Variants in CSMD1 observed in about 807,000 individuals in gnomAD.
CSMD1 encodes the protein CUB and Sushi multiple domains 1, also known as CUB and sushi domain-containing protein 1.
In CSMD1, 213 loss-of-function variants were observed where a neutral mutation model predicts 417.5. That is an observed-to-expected ratio of 0.51 (90% confidence interval 0.46 to 0.57). The LOEUF is 0.57. CSMD1 is among the 20% of genes least tolerant of loss of function. The pLI is 0.00. For missense variants in CSMD1, 6,923 were observed against 4,529.7 expected, an observed-to-expected ratio of 1.53 and a Z score of -15.17; for synonymous variants, 2,862 against 1,736.8, an observed-to-expected ratio of 1.65 and a Z score of -16.11.
At chr8:3,712,430 CAGACAGACAGACAG>C (rs1585117828) in intron 6 of CSMD1, among the ~76,000 whole-genome samples, 3 of 125,684 alleles carry the variant, frequency 2.4e-5, no homozygotes, top group East Asian at 2.3e-4. Context: ...GACAGACAGA[CAGACAGACAGACAG>C]AGAGAGAGAG....
At chr8:3,690,123 C>T (rs549669631) in intron 7 of CSMD1, among the ~76,000 whole-genome samples, 20 of 152,320 alleles carry the variant, frequency 1.3e-4, no homozygotes, top group African/African-American at 4.8e-4. Context: ...CTTTAGGAGG[C>T]TGAGACCGGA....
rs535948918 is a variant in CSMD1, at chr8:3,938,989, T to C, written c.818+58914A>G. Reference sequence around the variant, plus strand: ...AGGCAGGGAGTATGAGAGTGTGGAATGGGGTGGGGTAGAATATTACATGTA... The same window carrying C: ...AGGCAGGGAGTATGAGAGTGTGGAACGGGGTGGGGTAGAATATTACATGTA... On this transcript the variant is annotated intron_variant, in intron 5 of 69. Transcript: ENST00000635120. Among the ~76,000 whole-genome samples the C allele has an allele frequency of 5.3e-5, 8 of 152,220 alleles. No homozygotes were observed. In the South Asian group the frequency reaches 1.7e-3, roughly 32 times the overall value.
intron 10 of CSMD1, among the ~76,000 whole-genome samples, chr8:3,520,251 G>A (rs186682799): frequency 5.3e-5 from 8 of 152,004 alleles, no homozygotes; most frequent in Non-Finnish European, 8.8e-5. Context: ...GTTGGCCAGA[G>A]AGGAAGCACC....
chr8:3,895,460 C>G (rs769695486), intron 5 of CSMD1, among the ~76,000 whole-genome samples: 1 of 151,934 alleles, frequency 6.6e-6, no homozygotes, highest in Non-Finnish European at 1.5e-5. Flanking sequence ...TAAATCTTAG[C>G]AGACAAAAAA....
At chr8:3,002,176 T>C (rs964134022) in intron 52 of CSMD1, among the ~76,000 whole-genome samples, 6 of 152,212 alleles carry the variant, frequency 3.9e-5, no homozygotes, top group African/African-American at 1.4e-4. Flanking sequence ...TGAGACTTGA[T>C]ACAAGCGGAG....
At chr8:4,590,312 G>T (rs1229645733) in intron 2 of CSMD1, among the ~76,000 whole-genome samples, 1 of 152,026 alleles carries the variant, frequency 6.6e-6, no homozygotes, top group Non-Finnish European at 1.5e-5. Context: ...TGGACTACTG[G>T]ATTTCCATGA....
intron 46 of CSMD1, among the ~76,000 whole-genome samples, chr8:3,103,065 T>A (rs941222255): frequency 2.6e-5 from 4 of 152,200 alleles, no homozygotes; most frequent in African/African-American, 7.2e-5. Context: ...GTAAACTTAC[T>A]GAGGCTCCAG....
intron 26 of CSMD1, among the ~76,000 whole-genome samples, chr8:3,240,694 G>C (rs13251825): frequency 6.6e-6 from 1 of 151,818 alleles, no homozygotes; most frequent in Non-Finnish European, 1.5e-5. Flanking sequence ...AAAGAAAGCA[G>C]GTTTGAGATC....
rs144815639 is a variant in CSMD1, at chr8:4,491,478, T to A, written c.303-71413A>T. On this transcript the variant is annotated intron_variant, in intron 2 of 69. Coordinates refer to ENST00000635120, the MANE Select transcript of CSMD1 (RefSeq NM_033225.6). ...AGGATATGTTAAACAGCTATGGACT[T>A]TTGTTGGTGTATCATTTTGGTAACT... Among the ~76,000 whole-genome samples the A allele has an allele frequency of 5.1e-4, 78 of 152,258 alleles. 2 individuals carry two copies. The East Asian group carries it at 0.014, about 28-fold the overall frequency.
At chr8:3,449,691 T>C (rs1429504361) in intron 12 of CSMD1, among the ~76,000 whole-genome samples, 1 of 152,112 alleles carries the variant, frequency 6.6e-6, no homozygotes, top group African/African-American at 2.4e-5. Context: ...CTAATTTTTG[T>C]ATTTTTAGTA....
At chr8:3,678,106 G>T (rs893395186) in intron 7 of CSMD1, among the ~76,000 whole-genome samples, 2 of 152,106 alleles carry the variant, frequency 1.3e-5, no homozygotes, top group Admixed American at 1.3e-4. Flanking sequence ...CCCAGAGTGA[G>T]CGACGCAGAA....
chr8:4,737,088 T>A (rs112586356), intron 1 of CSMD1, among the ~76,000 whole-genome samples: 2 of 152,260 alleles, frequency 1.3e-5, no homozygotes, highest in African/African-American at 4.8e-5. Flanking sequence ...TCAACCTACA[T>A]GCCCATCAAT....
At chr8:3,509,905 C>G (rs934598321) in intron 10 of CSMD1, among the ~76,000 whole-genome samples, 8 of 152,106 alleles carry the variant, frequency 5.3e-5, no homozygotes, top group African/African-American at 1.7e-4. Context: ...CCCAGTGAAG[C>G]GATGAGGGCA....
At chr8:4,532,942 C>A (rs1329232537) in intron 2 of CSMD1, among the ~76,000 whole-genome samples, 1 of 152,114 alleles carries the variant, frequency 6.6e-6, no homozygotes. Flanking sequence ...CATTCACAGT[C>A]ACTCCGGAAG....
intron 1 of CSMD1, among the ~76,000 whole-genome samples, chr8:4,680,230 T>C (rs2130973973): frequency 6.6e-6 from 1 of 152,338 alleles, no homozygotes; most frequent in East Asian, 1.9e-4. Flanking sequence ...GCTGTGCTTC[T>C]GGACATTCCG....
At chr8:3,432,972 T>C (rs1442320430) in intron 12 of CSMD1, among the ~76,000 whole-genome samples, 1 of 152,212 alleles carries the variant, frequency 6.6e-6, no homozygotes, top group Non-Finnish European at 1.5e-5. Flanking sequence ...ACAGTCAGGT[T>C]CTTCCAGTAG....
intron 1 of CSMD1, among the ~76,000 whole-genome samples, chr8:4,660,751 C>T (rs1455693394): frequency 6.6e-6 from 1 of 151,926 alleles, no homozygotes; most frequent in African/African-American, 2.4e-5. Context: ...CATCTCTAAT[C>T]TATAAAGAAC....
chr8:4,163,025 A>G (rs1797258853), intron 3 of CSMD1, among the ~76,000 whole-genome samples: 1 of 152,154 alleles, frequency 6.6e-6, no homozygotes, highest in Admixed American at 6.5e-5. Flanking sequence ...TCACTTAGTA[A>G]CGTGCACTTC....
At chr8:3,362,016 G>C (rs1409407914) in intron 20 of CSMD1, among the ~76,000 whole-genome samples, 1 of 152,130 alleles carries the variant, frequency 6.6e-6, no homozygotes, top group Non-Finnish European at 1.5e-5. Flanking sequence ...ATTGCCTTCA[G>C]AATTCCATCT....
Sources: gnomAD v4.1 joint callset for allele counts (sites outside exome capture counted in the v4.1 genomes callset) on GRCh38, gnomAD v4.1.1 for gene constraint, MANE v1.5 for transcripts, NCBI Gene and HGNC (gene_info 2026-07-23, HGNC 2026-07-21) for gene names.